The following RBFOX2 variants were observed in gnomAD, a reference collection of about 807,000 sequenced individuals.
The protein encoded by RBFOX2 is RNA binding fox-1 homolog 2.
RBFOX2 carries 10 observed loss-of-function variants against 49.1 expected under a neutral mutation model. The observed-to-expected ratio is 0.20, with a 90% CI of 0.13 to 0.35. The LOEUF is 0.35. RBFOX2 is among the 10% of genes least tolerant of loss of function. RBFOX2 has a pLI of 1.00. For missense variants in RBFOX2, 323 were observed against 486.9 expected (o/e 0.66, Z 3.17); for synonymous variants, 183 against 187.4 (o/e 0.98, Z 0.19).
chr22:35,840,093 A>G, intron 1 of RBFOX2: 1 of 1,472,798 alleles, frequency 6.8e-7, no homozygotes, highest in South Asian at 1.1e-5. Context: ...CTAAGAAGAC[A>G]ATAATGATTA....
chr22:35,988,822 A>G (rs765331959), intron 1 of RBFOX2, among the ~76,000 whole-genome samples: 1 of 152,238 alleles, frequency 6.6e-6, no homozygotes, highest in African/African-American at 2.4e-5. Flanking sequence ...TTAAGAGGCT[A>G]TAACAGTAGC....
At chr22:35,739,563 AC>A (rs1179531582) in exon 12 of RBFOX2, 2 of 152,678 alleles carry the variant, frequency 1.3e-5, no homozygotes, top group Non-Finnish European at 2.9e-5. Flanking sequence ...ACACACAAAT[AC>A]TGTGAACAGA....
At chr22:35,748,847 G>A (rs1166640177) in intron 9 of RBFOX2, among the ~76,000 whole-genome samples, 1 of 152,240 alleles carries the variant, frequency 6.6e-6, no homozygotes, top group Non-Finnish European at 1.5e-5. Flanking sequence ...AGGTTCAAAA[G>A]TACTCAACCA....
At chr22:36,028,664 G>T (rs1238437134) in exon 1 of RBFOX2, among the ~76,000 whole-genome samples, 2 of 149,898 alleles carry the variant, frequency 1.3e-5, no homozygotes, top group Non-Finnish European at 3.0e-5. Context: ...GCCACTGGCG[G>T]GTCGTGATGA....
intron 1 of RBFOX2, among the ~76,000 whole-genome samples, chr22:35,828,220 A>G (rs1349937849): frequency 6.6e-6 from 1 of 152,032 alleles, no homozygotes; most frequent in African/African-American, 2.4e-5. Flanking sequence ...TAAAAAAACC[A>G]CAAAATACAT....
chr22:35,813,914 A>G (rs186986397), intron 1 of RBFOX2, among the ~76,000 whole-genome samples: 38 of 152,368 alleles, frequency 2.5e-4, no homozygotes, highest in Non-Finnish European at 4.9e-4. Flanking sequence ...ATGGGAAAGT[A>G]GAAGTGGGGA....
intron 1 of RBFOX2, among the ~76,000 whole-genome samples, chr22:35,893,987 T>C (rs1338453874): frequency 6.6e-6 from 1 of 152,128 alleles, no homozygotes; most frequent in Non-Finnish European, 1.5e-5. Flanking sequence ...GACTGTAAGA[T>C]GTTCTTGTCT....
intron 1 of RBFOX2, chr22:35,897,647 C>T (rs1182239107): frequency 6.4e-6 from 9 of 1,400,952 alleles, no homozygotes; most frequent in African/African-American, 2.8e-5. Flanking sequence ...GGATCCTTAA[C>T]TGCATTAACA....
upstream of RBFOX2, among the ~76,000 whole-genome samples, chr22:35,940,611 T>A (rs1221429546): frequency 2.0e-5 from 3 of 152,084 alleles, no homozygotes; most frequent in Non-Finnish European, 4.4e-5. Flanking sequence ...ACTGAAAACA[T>A]ATGTCCACAC....
intron 1 of RBFOX2, among the ~76,000 whole-genome samples, chr22:35,907,672 G>C (rs746141676): frequency 6.6e-6 from 1 of 151,486 alleles, no homozygotes; most frequent in South Asian, 2.1e-4. Flanking sequence ...TTTTGAAACA[G>C]AGTGTCGCTC....
intron 1 of RBFOX2, among the ~76,000 whole-genome samples, chr22:35,905,122 T>A (rs1220226063): frequency 1.3e-5 from 2 of 152,206 alleles, no homozygotes; most frequent in African/African-American, 4.8e-5. Context: ...ATTTTTATTT[T>A]AGGAATATTT....
intron 1 of RBFOX2, among the ~76,000 whole-genome samples, chr22:35,982,819 C>T (rs774207425): frequency 9.9e-4 from 151 of 151,878 alleles, no homozygotes; most frequent in Non-Finnish European, 1.6e-3. Context: ...ACCACTAATC[C>T]TATTTATTAG....
At chr22:35,862,043 T>C (rs1003855421) in intron 1 of RBFOX2, among the ~76,000 whole-genome samples, 1 of 152,096 alleles carries the variant, frequency 6.6e-6, no homozygotes, top group Non-Finnish European at 1.5e-5. Context: ...ATTGTATGAG[T>C]CCATTTTTAT....
intron 1 of RBFOX2, among the ~76,000 whole-genome samples, chr22:35,970,627 C>T (rs1312568917): frequency 6.6e-6 from 1 of 152,068 alleles, no homozygotes; most frequent in East Asian, 1.9e-4. Context: ...CACCACTGTA[C>T]TCCAGCCTGG....
chr22:35,821,027 T>A (rs958310431), intron 1 of RBFOX2, among the ~76,000 whole-genome samples: 1 of 152,048 alleles, frequency 6.6e-6, no homozygotes, highest in Non-Finnish European at 1.5e-5. Flanking sequence ...AACCCCAGGG[T>A]ACTGTAGGCT....
chr22:36,019,191 T>A (rs561694994), intron 1 of RBFOX2, among the ~76,000 whole-genome samples: 19 of 152,238 alleles, frequency 1.2e-4, no homozygotes, highest in Admixed American at 1.3e-4. Flanking sequence ...TTCTAAGAAA[T>A]CCACATCCCC....
upstream of RBFOX2, among the ~76,000 whole-genome samples, chr22:35,965,856 G>T (rs1045043421): frequency 2.0e-5 from 3 of 152,094 alleles, no homozygotes; most frequent in Non-Finnish European, 2.9e-5. Context: ...ATCACAGAAC[G>T]CAAGTAGAAG....
upstream of RBFOX2, among the ~76,000 whole-genome samples, chr22:35,843,234 T>C (rs2040737243): frequency 6.6e-6 from 1 of 152,042 alleles, no homozygotes; most frequent in African/African-American, 2.4e-5. Flanking sequence ...TTCCTGTATG[T>C]GTGTTTGGGA....
Position 35,781,585 on chromosome 22 carries a change from A to AT in RBFOX2, c.399+14_399+15insA. On this transcript the variant is annotated intron_variant, in intron 3 of 11. Transcript: ENST00000405409. ...CTTTAATTGTAAAATCCATAAAAAG[A>AT]CTTCAGAGACTTACCCCAAACATCT... 6.2e-7 allele frequency: 1 copy of AT among 1,607,604 alleles called. No individual in the cohort carries two copies. The highest frequency in any genetic ancestry group is 8.5e-7 in the Non-Finnish European group (1 of 1,177,468).
Sources: gnomAD v4.1 joint callset for allele counts (sites outside exome capture counted in the v4.1 genomes callset) on GRCh38, gnomAD v4.1.1 for gene constraint, MANE v1.5 for transcripts, NCBI Gene and HGNC (gene_info 2026-07-23, HGNC 2026-07-21) for gene names.